The following URB2 variants were observed in gnomAD, a reference collection of about 807,000 sequenced individuals.
URB2 encodes URB2 ribosome biogenesis homolog, also known as unhealthy ribosome biogenesis protein 2 homolog.
Under a neutral mutation model 120.9 loss-of-function variants are expected in URB2, and 86 were observed. The observed-to-expected ratio is 0.71, with a 90% CI of 0.60 to 0.85. The LOEUF (loss-of-function observed/expected upper bound fraction) is 0.85, where lower values mean the gene tolerates loss of function less well. URB2 is among the 40% of genes least tolerant of loss of function. The pLI, the probability that URB2 is intolerant of heterozygous loss-of-function variation, is 0.00. For missense variants in URB2, 1,765 were observed against 1,836.5 expected, an observed-to-expected ratio of 0.96 and a Z score of 0.71; for synonymous variants, 755 against 758.4, an observed-to-expected ratio of 1.00 and a Z score of 0.07.
At chr1:229,658,572 T>A (rs894316175) in intron 9 of URB2, among the ~76,000 whole-genome samples, 2 of 152,198 alleles carry the variant, frequency 1.3e-5, no homozygotes, top group African/African-American at 2.4e-5. Context: ...TAGTGTAGGC[T>A]TATCAGTGGT....
intron 4 of URB2, among the ~76,000 whole-genome samples, chr1:229,638,461 C>T (rs1451035628): frequency 2.6e-5 from 4 of 151,934 alleles, no homozygotes; most frequent in Non-Finnish European, 4.4e-5. Flanking sequence ...CTGGCTAACA[C>T]GGAGAAACCC....
rs746066813 is a variant in URB2 at position 229,645,930 on chromosome 1, G to A, written c.3867G>A (p.Leu1289=). ...NCPLSGEKAS[L]LWRACPQIVT... is the part of the protein sequence containing the mutation. ...CACTCAGTGGAGAGAAAGCAAGTCT[G>A]TTGTGGCGTGCGTGTCCCCAGATAG... The change falls in exon 6 of 10, where the codon CTG becomes CTA. Residue 1289 remains leucine, a synonymous_variant. Transcript: ENST00000258243. 2 of 1,614,246 alleles carry A rather than the reference G, an allele frequency of 1.2e-6. No individual in the cohort carries two copies. The highest frequency in any genetic ancestry group is 2.2e-5 in the South Asian group (2 of 91,084).
chr1:229,649,252 C>CTCATGACA (rs1358571161), intron 7 of URB2, among the ~76,000 whole-genome samples: 1 of 152,230 alleles, frequency 6.6e-6, no homozygotes. Flanking sequence ...AAGCTAAACA[C>CTCATGACA]TCATGACATT....
intron 1 of URB2, among the ~76,000 whole-genome samples, chr1:229,627,114 TAA>T (rs1476892089): frequency 6.6e-6 from 1 of 152,250 alleles, no homozygotes; most frequent in Non-Finnish European, 1.5e-5. Flanking sequence ...ATGTGCGTTG[TAA>T]ATTTATACAC....
chr1:229,659,091 T>C lies in URB2; in HGVS notation c.4378-9T>C. 1.2e-6 allele frequency: 2 copies of C among 1,608,032 alleles called. No individual in the cohort carries two copies. The highest frequency in any genetic ancestry group is 1.7e-6 in the Non-Finnish European group (2 of 1,176,520). On this transcript the variant is annotated splice_polypyrimidine_tract_variant and intron_variant, in intron 9 of 9. Coordinates refer to ENST00000258243, the MANE Select transcript of URB2 (RefSeq NM_014777.4). ...AATTGTTCTCACAGAGGTTTGCCTT[T>C]TTCCTCAGGTGACCTTATATCCAGC...
Position 229,659,354 on chromosome 1 carries a change from C to A in URB2, c.*57C>A. 6.5e-7 allele frequency: 1 copy of A among 1,546,206 alleles called. No individual in the cohort carries two copies. Among genetic ancestry groups the A allele is most frequent in the Non-Finnish European group, 8.9e-7 (1 of 1,128,706 alleles). On this transcript the variant is annotated 3_prime_UTR_variant, in exon 10 of 10. Coordinates refer to ENST00000258243, the MANE Select transcript of URB2 (RefSeq NM_014777.4). ...TGTCCAGAGGCTTTGGCTGCATGGTCTGAAAGAGCTGGAGAATGAAAGACT... is the reference window on the plus strand; with the variant it reads ...TGTCCAGAGGCTTTGGCTGCATGGTATGAAAGAGCTGGAGAATGAAAGACT...
rs565398741 is a variant in URB2, at chr1:229,638,125, A to G, written c.3512A>G (p.His1171Arg). 166 of 1,614,168 alleles carry G rather than the reference A, an allele frequency of 1.0e-4. No individual in the cohort carries two copies. The South Asian group carries it at 1.7e-3, about 17-fold the overall frequency. The change falls in exon 4 of 10, where the codon CAT (histidine) becomes CGT (arginine). Residue 1171 changes from histidine to arginine, a missense_variant. His to Arg is a conservative substitution (Grantham distance 29). Transcript: ENST00000258243. ...ILLELPALAG[H>R]DQSFQAALQF... The stretch of plus-strand genomic sequence containing the variant: ...TTGGAGTTGCCAGCTCTCGCGGGAC[A>G]TGATCAGTCTTTTCAGGCAGCCTTG...
chr1:229,637,319 T>C lies in URB2; in HGVS notation c.2706T>C (p.Ser902=), dbSNP rs1229715825. The C allele has an allele frequency of 6.2e-7, 1 of 1,614,102 alleles. No individual in the cohort carries two copies. The highest frequency in any genetic ancestry group is 1.7e-5 in the Admixed American group (1 of 60,012). ...ESILGLLEVI[S]ALQLDSLLPP... is the part of the protein sequence containing the mutation. The stretch of plus-strand genomic sequence containing the variant: ...TCCTGGGGCTTTTGGAAGTGATTTC[T>C]GCCTTACAGCTGGACAGCCTCTTGC... The change falls in exon 4 of 10, where the codon TCT becomes TCC. Residue 902 remains serine (S), a synonymous_variant. Transcript: ENST00000258243.
rs777346485 is a variant in URB2, at chr1:229,627,807, A to T, written c.126+48A>T. ...ATTTTTACAGTCTGTCAAGATAATTATCACTTTTATAATTTGGATATTGAC... is the reference window on the plus strand; with the variant it reads ...ATTTTTACAGTCTGTCAAGATAATTTTCACTTTTATAATTTGGATATTGAC... On this transcript the variant is annotated intron_variant, in intron 2 of 9. Coordinates refer to ENST00000258243, the MANE Select transcript of URB2 (RefSeq NM_014777.4). 7.7e-6 allele frequency: 12 copies of T among 1,550,608 alleles called. No homozygotes were observed. In the East Asian group the frequency reaches 1.6e-4, roughly 21 times the overall value.
At chr1:229,645,453 C>G (rs1666117403) in intron 5 of URB2, among the ~76,000 whole-genome samples, 1 of 152,138 alleles carries the variant, frequency 6.6e-6, no homozygotes, top group African/African-American at 2.4e-5. Flanking sequence ...CCAGCCCCTC[C>G]TATCTGTAAG....
At chr1:229,658,316 G>A (rs1666450427) in intron 9 of URB2, among the ~76,000 whole-genome samples, 1 of 152,142 alleles carries the variant, frequency 6.6e-6, no homozygotes, top group South Asian at 2.1e-4. Context: ...GGAAGTTTGG[G>A]TGGAGCATCA....
At chr1:229,655,687 C>T (rs562882689) in intron 9 of URB2, among the ~76,000 whole-genome samples, 11 of 152,234 alleles carry the variant, frequency 7.2e-5, no homozygotes, top group East Asian at 5.8e-4. Context: ...GAGCAAAGTG[C>T]GGTGTATTCT....
chr1:229,637,308 G>T lies in URB2; in HGVS notation c.2695G>T (p.Glu899Ter). Residue 899 changes from glutamate (E) to a stop codon, truncating the protein, a stop_gained, in exon 4 of 10, where the codon GAA becomes TAA. Transcript: ENST00000258243. LOFTEE classifies it high-confidence loss of function. ...GTTGGAAAGCATCCTGGGGCTTTTGGAAGTGATTTCTGCCTTACAGCTGGA... is the reference window on the plus strand; with the variant it reads ...GTTGGAAAGCATCCTGGGGCTTTTGTAAGTGATTTCTGCCTTACAGCTGGA... Reference protein sequence around the residue: ...EQLESILGLLEVISALQLDSL... With the variant: ...EQLESILGLL 2 of 1,614,194 alleles carry T rather than the reference G, an allele frequency of 1.2e-6. No homozygotes were observed. Among genetic ancestry groups the T allele is most frequent in the Middle Eastern group, 1.6e-4 (1 of 6,062 alleles).
intron 8 of URB2, among the ~76,000 whole-genome samples, chr1:229,653,860 G>A (rs1278374196): frequency 3.3e-5 from 5 of 151,188 alleles, no homozygotes; most frequent in Admixed American, 6.6e-5. Context: ...ATATGATGTC[G>A]GTAGATGATT....
In URB2 at chr1:229,636,883, A is replaced by T; in HGVS notation, c.2270A>T (p.Asp757Val). 2 of 1,611,492 alleles carry T rather than the reference A, an allele frequency of 1.2e-6. No homozygotes were observed. The highest frequency in any genetic ancestry group is 1.7e-6 in the Non-Finnish European group (2 of 1,178,284). ...LTILISYLCP[D>V]DVGYLASVLL... The stretch of plus-strand genomic sequence containing the variant: ...ATTTTAATATCCTATCTGTGTCCAG[A>T]TGATGTGGGATACCTGGCCAGTGTC... The change falls in exon 4 of 10, where the codon GAT becomes GTT. Residue 757 changes from aspartate (D) to valine (V), a missense_variant. Asp to Val is a radical substitution (Grantham distance 152). Transcript: ENST00000258243.
chr1:229,637,201 G>T lies in URB2; in HGVS notation c.2588G>T (p.Gly863Val), dbSNP rs1665862965. ...AGATTTGCAAAAGCTGGACCCGAAGGTATAGAACCTAGAGGAGAAATTGCC... is the reference window on the plus strand; with the variant it reads ...AGATTTGCAAAAGCTGGACCCGAAGTTATAGAACCTAGAGGAGAAATTGCC... ...ENRFAKAGPE[G>V]IEPRGEIAQN... The change falls in exon 4 of 10, where the codon GGT becomes GTT. Residue 863 changes from glycine (G) to valine (V), a missense_variant. Transcript: ENST00000258243. The T allele has an allele frequency of 1.9e-6, 3 of 1,613,794 alleles. No homozygotes were observed. The highest frequency in any genetic ancestry group is 2.5e-6 in the Non-Finnish European group (3 of 1,179,838).
intron 1 of URB2, among the ~76,000 whole-genome samples, 157 bp downstream of exon 1, chr1:229,626,513 T>C (rs1291351398): frequency 1.3e-5 from 2 of 152,260 alleles, no homozygotes; most frequent in Non-Finnish European, 2.9e-5. Flanking sequence ...CAGCAGACTC[T>C]GGGCTGGAGC....
Position 229,638,107 on chromosome 1 carries a change from T to C in URB2, c.3494T>C (p.Leu1165Ser). 1 of 1,614,232 alleles carries C rather than the reference T, an allele frequency of 6.2e-7. No homozygotes were observed. The change falls in exon 4 of 10, where the codon TTG (leucine) becomes TCG (serine). Residue 1165 changes from leucine (L) to serine (S), a missense_variant. Coordinates refer to ENST00000258243, the MANE Select transcript of URB2 (RefSeq NM_014777.4). ...GTTTACTCTCAGATACTGTTGGAGT[T>C]GCCAGCTCTCGCGGGACATGATCAG... ...QGVYSQILLELPALAGHDQSF... is the reference protein window; with the variant it reads ...QGVYSQILLESPALAGHDQSF...
intron 1 of URB2, among the ~76,000 whole-genome samples, chr1:229,627,130 T>G (rs1157641551): frequency 6.6e-6 from 1 of 152,252 alleles, no homozygotes; most frequent in African/African-American, 2.4e-5. Context: ...TATACACGAC[T>G]GAATAAAAGT....
Sources: allele counts gnomAD v4.1 joint callset (sites outside exome capture counted in the v4.1 genomes callset), GRCh38; gene constraint gnomAD v4.1.1; transcripts MANE v1.5; gene names NCBI Gene and HGNC (gene_info 2026-07-23, HGNC 2026-07-21).